ADCY5: variants seen among roughly 807,000 people sequenced by gnomAD.
ADCY5 encodes the protein adenylate cyclase 5.
Under a neutral mutation model 119.7 loss-of-function variants are expected in ADCY5, and 30 were observed. The ratio of observed to expected loss-of-function variants is 0.25; its 90% confidence interval spans 0.19 to 0.34. The LOEUF (loss-of-function observed/expected upper bound fraction) is 0.34, where lower values mean the gene tolerates loss of function less well. Ranked by LOEUF, ADCY5 falls within the 10% of genes least tolerant of loss-of-function variation. The probability of loss-of-function intolerance (pLI) is 1.00; values close to 1 mark genes in which losing one functional copy is unlikely to be tolerated. For missense variants in ADCY5, 1,324 were observed against 1,775.2 expected, an observed-to-expected ratio of 0.75 and a Z score of 4.57; for synonymous variants, 753 against 762.2, an observed-to-expected ratio of 0.99 and a Z score of 0.20.
chr3:123,421,924 G>A (rs1945311298), intron 1 of ADCY5, among the ~76,000 whole-genome samples: 1 of 152,140 alleles, frequency 6.6e-6, no homozygotes, highest in South Asian at 2.1e-4. Context: ...CCCTGGCCTG[G>A]AGCCAGCCCC....
chr3:123,394,635 T>C lies in ADCY5; in HGVS notation c.1135-42054A>G, dbSNP rs573832836. On this transcript the variant is annotated intron_variant, in intron 1 of 20. Transcript: ENST00000462833. Reference sequence around the variant, plus strand: ...AGAGCCACTTTGGCAGGCACTGTGATAACACTGAAAAGTGGTAAGGCACAG... The same window carrying C: ...AGAGCCACTTTGGCAGGCACTGTGACAACACTGAAAAGTGGTAAGGCACAG... Among the ~76,000 whole-genome samples, 16 of 152,326 alleles carry C rather than the reference T, an allele frequency of 1.1e-4. No homozygotes were observed. The South Asian group carries it at 2.5e-3, about 24-fold the overall frequency.
At position 123,447,945 on chromosome 3, in the gene ADCY5, C is replaced by T; in HGVS notation, c.601G>A (p.Ala201Thr). 1 of 1,541,934 alleles carries T rather than the reference C, an allele frequency of 6.5e-7. No homozygotes were observed. Among genetic ancestry groups the T allele is most frequent in the Non-Finnish European group, 8.7e-7 (1 of 1,143,896 alleles). ...ADSGSGAGPGAVLSLGACCLA... is the reference protein window; with the variant it reads ...ADSGSGAGPGTVLSLGACCLA... ...CAGCAGGCGCCCAGGGACAGCACCG[C>T]GCCGGGCCCCGCGCCCGAGCCCGAG... is the stretch of plus-strand genomic sequence containing the variant. The change falls in exon 1 of 21, where the codon GCG becomes ACG. Residue 201 changes from alanine (A) to threonine (T), a missense_variant. This residue lies in a region of ADCY5 where 585 missense variants were observed against 569.9 expected (regional missense o/e 1.03). Coordinates refer to ENST00000462833, the MANE Select transcript of ADCY5 (RefSeq NM_183357.3).
At chr3:123,396,924 T>C (rs1448682743) in intron 1 of ADCY5, among the ~76,000 whole-genome samples, 1 of 151,966 alleles carries the variant, frequency 6.6e-6, no homozygotes, top group African/African-American at 2.4e-5. Context: ...CTGCGGGCAC[T>C]TCACACACAT....
chr3:123,296,166 A>G lies in ADCY5; in HGVS notation c.2981T>C (p.Ile994Thr), dbSNP rs781396013. 1.2e-6 allele frequency: 2 copies of G among 1,613,864 alleles called. No individual in the cohort carries two copies. Among genetic ancestry groups the G allele is most frequent in the East Asian group, 2.2e-5 (1 of 44,894 alleles). Residue 994 changes from isoleucine (I) to threonine (T), a missense_variant, in exon 17 of 21, where the codon ATC (isoleucine) becomes ACC (threonine). Physicochemically the swap from Ile to Thr is moderately conservative, Grantham distance 89. This residue lies in a region of ADCY5 where 424 missense variants were observed against 546.8 expected (regional missense o/e 0.78). Transcript: ENST00000462833. ...VALKVVTPII[I>T]SVFVLALYLH... The stretch of plus-strand genomic sequence containing the variant: ...GTACAGGGCCAGCACAAAGACTGAG[A>G]TGATGATGGGCGTCACCACCTTCAA...
intron 1 of ADCY5, among the ~76,000 whole-genome samples, chr3:123,428,753 G>T (rs577765408): frequency 6.7e-6 from 1 of 149,216 alleles, no homozygotes; most frequent in Admixed American, 6.6e-5. Context: ...TCTAATTTGC[G>T]GGGGGTGCCT....
intron 2 of ADCY5, among the ~76,000 whole-genome samples, chr3:123,348,755 C>A (rs1011986554): frequency 6.6e-6 from 1 of 152,164 alleles, no homozygotes; most frequent in Non-Finnish European, 1.5e-5. Context: ...CTCTCCCGGG[C>A]CTGCCCTTCT....
chr3:123,300,531 G>A (rs1040652406), intron 14 of ADCY5, among the ~76,000 whole-genome samples: 4 of 152,206 alleles, frequency 2.6e-5, no homozygotes, highest in African/African-American at 7.2e-5. Flanking sequence ...TTACAGCTGC[G>A]CTGCAGGCCC....
chr3:123,367,787 C>A, intron 1 of ADCY5: 1 of 1,411,162 alleles, frequency 7.1e-7, no homozygotes, highest in Non-Finnish European at 9.5e-7. Flanking sequence ...CACTCATGCC[C>A]ACATCTCCTC....
At chr3:123,421,520 G>T (rs537682146) in intron 1 of ADCY5, among the ~76,000 whole-genome samples, 2 of 152,246 alleles carry the variant, frequency 1.3e-5, no homozygotes, top group African/African-American at 4.8e-5. Flanking sequence ...ACCTGGGTGT[G>T]GTCCACTATG....
chr3:123,303,147 C>A lies in ADCY5; in HGVS notation c.2632G>T (p.Ala878Ser), dbSNP rs146316902. ...ACGGCCGACTCCGCCACGTGACACG[C>A]GTTGACCTGGCTCGCGCTGATGTTG... ...EHNISASQVN[A>S]CHVAESAVNY... is the part of the protein sequence containing the mutation. The change falls in exon 14 of 21, where the codon GCG becomes TCG. Residue 878 changes from alanine to serine, a missense_variant. This residue lies in a region of ADCY5 where 424 missense variants were observed against 546.8 expected (regional missense o/e 0.78). Transcript: ENST00000462833. 72 of 1,613,790 alleles carry A rather than the reference C, an allele frequency of 4.5e-5. No individual in the cohort carries two copies. The highest frequency in any genetic ancestry group is 5.4e-5 in the Non-Finnish European group (64 of 1,180,044).
intron 3 of ADCY5, 119 bp from the exon 4 acceptor site, chr3:123,332,794 G>A: frequency 2.9e-6 from 2 of 693,854 alleles, no homozygotes; most frequent in Non-Finnish European, 5.0e-6. Context: ...TTGCTCTATT[G>A]CCCAGGCTGG....
At chr3:123,314,460 C>A (rs1940785444) in intron 11 of ADCY5, 138 bp from the exon 12 acceptor site, 2 of 660,494 alleles carry the variant, frequency 3.0e-6, no homozygotes, top group East Asian at 5.5e-5. Context: ...CTCTGAAATC[C>A]AGAGAGGGAA....
At chr3:123,337,885 A>C (rs1460856953) in intron 3 of ADCY5, among the ~76,000 whole-genome samples, 1 of 152,246 alleles carries the variant, frequency 6.6e-6, no homozygotes, top group Non-Finnish European at 1.5e-5. Context: ...AAGAGACACA[A>C]CTAGTAACTC....
rs111941512 is a variant in ADCY5, at chr3:123,327,781, G to C, written c.1806-22C>G. 6.1e-4 allele frequency: 983 copies of C among 1,611,992 alleles called. 2 individuals carry two copies. In the African/African-American group the frequency reaches 0.012, roughly 20 times the overall value. ...GCGTCTACAGGGGGGCAGGGATCAGGGTGGAGAGGGCAGAAAACTCAAAGT... is the reference window on the plus strand; with the variant it reads ...GCGTCTACAGGGGGGCAGGGATCAGCGTGGAGAGGGCAGAAAACTCAAAGT... On this transcript the variant is annotated intron_variant, in intron 6 of 20. Transcript: ENST00000462833.
intron 1 of ADCY5, among the ~76,000 whole-genome samples, chr3:123,407,104 C>T (rs1371163127): frequency 6.6e-6 from 1 of 152,148 alleles, no homozygotes; most frequent in Non-Finnish European, 1.5e-5. Flanking sequence ...ACCCCCTCAG[C>T]TGCCCCTCCT....
chr3:123,406,854 C>T (rs990413093), intron 1 of ADCY5, among the ~76,000 whole-genome samples: 1 of 152,154 alleles, frequency 6.6e-6, no homozygotes, highest in Non-Finnish European at 1.5e-5. Context: ...CTCCAGAACA[C>T]GCCACTGCCT....
chr3:123,325,605 G>A, intron 7 of ADCY5, 143 bp from the exon 8 acceptor site: 1 of 1,113,426 alleles, frequency 9.0e-7, no homozygotes, highest in East Asian at 2.4e-5. Context: ...CCAGAGCTCG[G>A]CCCAGATCCT....
chr3:123,446,952 A>C (rs1273945316), intron 1 of ADCY5, among the ~76,000 whole-genome samples: 1 of 152,130 alleles, frequency 6.6e-6, no homozygotes, highest in Non-Finnish European at 1.5e-5. Flanking sequence ...CTTACCACTG[A>C]GCAAGGGGTG....
chr3:123,448,344 G>T lies in ADCY5; in HGVS notation c.202C>A (p.Arg68Ser). ...GGAVTPQQQQRLASRWRSDDD... is the reference protein window; with the variant it reads ...GGAVTPQQQQSLASRWRSDDD... ...TCGCTGCGCCAGCGGCTGGCCAGGCGCTGCTGCTGCTGCGGGGTCACCGCC... is the reference window on the plus strand; with the variant it reads ...TCGCTGCGCCAGCGGCTGGCCAGGCTCTGCTGCTGCTGCGGGGTCACCGCC... Residue 68 changes from arginine to serine, a missense_variant, in exon 1 of 21, where the codon CGC becomes AGC. Physicochemically the swap from Arg to Ser is moderately radical, Grantham distance 110. This residue lies in a region of ADCY5 where 585 missense variants were observed against 569.9 expected (regional missense o/e 1.03). Coordinates refer to ENST00000462833, the MANE Select transcript of ADCY5 (RefSeq NM_183357.3). 6.6e-7 allele frequency: 1 copy of T among 1,517,202 alleles called. No individual in the cohort carries two copies. Among genetic ancestry groups the T allele is most frequent in the Non-Finnish European group, 8.8e-7 (1 of 1,142,658 alleles). 94.0% of individuals were successfully genotyped at this position (1,517,202 alleles called of 1,614,324 possible).
Sources: gnomAD v4.1 joint callset for allele counts (sites outside exome capture counted in the v4.1 genomes callset) on GRCh38, gnomAD v4.1.1 for gene constraint, gnomAD v4.1.1 regional missense constraint, MANE v1.5 for transcripts, NCBI Gene and HGNC (gene_info 2026-07-23, HGNC 2026-07-21) for gene names.